The following ALK variants were observed in gnomAD, a reference collection of about 807,000 sequenced individuals.
ALK encodes the protein ALK tyrosine kinase receptor.
ALK carries 74 observed loss-of-function variants against 163.1 expected under a neutral mutation model. The ratio of observed to expected loss-of-function variants is 0.45; its 90% CI spans 0.38 to 0.55. The LOEUF (loss-of-function observed/expected upper bound fraction) is 0.55. Among genes scored for constraint, ALK ranks in the 20% least tolerant of loss-of-function variants. The pLI, the probability that ALK is intolerant of heterozygous loss-of-function variation, is 0.00. For missense variants in ALK, 2,063 were observed against 2,105.3 expected, an observed-to-expected ratio of 0.98 and a Z score of 0.39; for synonymous variants, 960 against 843.2, an observed-to-expected ratio of 1.14 and a Z score of -2.40.
At chr2:29,623,692 T>C (rs1005332659) in intron 3 of ALK, among the ~76,000 whole-genome samples, 1 of 152,244 alleles carries the variant, frequency 6.6e-6, no homozygotes, top group African/African-American at 2.4e-5. Flanking sequence ...ACTGTAATGA[T>C]ATAAAATTCA....
At chr2:29,259,165 T>A (rs1665023829) in intron 11 of ALK, among the ~76,000 whole-genome samples, 2 of 152,206 alleles carry the variant, frequency 1.3e-5, no homozygotes, top group Admixed American at 1.3e-4. Flanking sequence ...TAGAATATAT[T>A]GTAATTATTC....
intron 2 of ALK, among the ~76,000 whole-genome samples, chr2:29,708,338 G>C (rs1024072254): frequency 2.6e-5 from 4 of 152,078 alleles, no homozygotes; most frequent in African/African-American, 9.7e-5. Flanking sequence ...CAAAGTGCTG[G>C]GATTACAGGC....
rs75952573 is a variant in ALK, at chr2:29,666,066, A to G, written c.952+28784T>C. Among the ~76,000 whole-genome samples, 193 of 152,186 alleles carry G rather than the reference A, an allele frequency of 1.3e-3. 1 individual carries two copies. Among genetic ancestry groups the G allele is most frequent in the Admixed American group, 3.1e-3 (48 of 15,274 alleles). Reference sequence around the variant, plus strand: ...CTCATCTCTAGGCCATTTTCAATTAATTTCCTGAGTAAAATTTCATGAGAC... The same window carrying G: ...CTCATCTCTAGGCCATTTTCAATTAGTTTCCTGAGTAAAATTTCATGAGAC... On this transcript the variant is annotated intron_variant, in intron 3 of 28. Transcript: ENST00000389048.
intron 3 of ALK, among the ~76,000 whole-genome samples, chr2:29,578,243 G>T (rs1214792575): frequency 6.6e-6 from 1 of 152,132 alleles, no homozygotes; most frequent in Admixed American, 6.5e-5. Context: ...GACATGACTT[G>T]CCCCTCCTTG....
intron 5 of ALK, among the ~76,000 whole-genome samples, chr2:29,333,116 G>GT (rs1253415190): frequency 7.0e-6 from 1 of 143,728 alleles, no homozygotes; most frequent in African/African-American, 3.0e-5. Context: ...GGGTTTTTTT[G>GT]TTTTTTTGTT....
chr2:29,786,019 T>C (rs1029270058), intron 1 of ALK, among the ~76,000 whole-genome samples: 1 of 152,124 alleles, frequency 6.6e-6, no homozygotes, highest in Non-Finnish European at 1.5e-5. Context: ...CTGGATAAAG[T>C]GGCTTTAAAA....
At chr2:29,394,667 G>T (rs955473500) in intron 4 of ALK, among the ~76,000 whole-genome samples, 7 of 152,106 alleles carry the variant, frequency 4.6e-5, no homozygotes, top group African/African-American at 1.4e-4. Context: ...AGGGTGGGTG[G>T]TAGATTTTCT....
Position 29,920,740 on chromosome 2 carries a change from A to ACAGT in ALK, c.-85_-82dup, listed in dbSNP as rs1667978463. ...TCCCCGAGATGGGAAGAGGCTCTGA[A>ACAGT]CAGTCCTTGGTACCCAGCGGCTCCT... On this transcript the variant is annotated 5_prime_UTR_variant, in exon 1 of 29. Coordinates refer to ENST00000389048, the MANE Select transcript of ALK (RefSeq NM_004304.5). The ACAGT allele has an allele frequency of 1.5e-6, 2 of 1,302,050 alleles. No homozygotes were observed. The highest frequency in any genetic ancestry group is 2.6e-5 in the South Asian group (2 of 77,992). The allele number at this position is 1,302,050 out of a possible 1,614,324, so 80.7% of individuals were successfully genotyped here.
chr2:29,638,131 G>A (rs1676597007), intron 3 of ALK, among the ~76,000 whole-genome samples: 1 of 152,154 alleles, frequency 6.6e-6, no homozygotes, highest in South Asian at 2.1e-4. Flanking sequence ...GGAGGGCTCT[G>A]ATAGCCATTT....
At chr2:29,765,371 C>G (rs1371217129) in intron 1 of ALK, among the ~76,000 whole-genome samples, 2 of 152,184 alleles carry the variant, frequency 1.3e-5, no homozygotes, top group African/African-American at 4.8e-5. Context: ...TTCTCATGAG[C>G]TCTCTCCAGG....
chr2:29,714,962 G>A, intron 2 of ALK, among the ~76,000 whole-genome samples: 1 of 151,988 alleles, frequency 6.6e-6, no homozygotes, highest in East Asian at 1.9e-4. Context: ...CTCAACATCT[G>A]TACTCTGAGG....
intron 1 of ALK, among the ~76,000 whole-genome samples, chr2:29,776,400 C>T (rs1473019425): frequency 4.3e-5 from 1 of 23,068 alleles, no homozygotes; most frequent in African/African-American, 5.6e-5. Context: ...CTTGATTCAG[C>T]GTTGAGCAAG....
At chr2:29,661,288 C>T (rs1677338554) in intron 3 of ALK, among the ~76,000 whole-genome samples, 1 of 152,180 alleles carries the variant, frequency 6.6e-6, no homozygotes, top group African/African-American at 2.4e-5. Context: ...GTGCATCATG[C>T]TAACCCTCCT....
chr2:29,690,552 C>G (rs554896215), intron 3 of ALK, among the ~76,000 whole-genome samples: 1 of 152,168 alleles, frequency 6.6e-6, no homozygotes, highest in Admixed American at 6.5e-5. Context: ...ACACCGGAAG[C>G]AGTTAGACAT....
At chr2:29,410,567 C>G (rs1197476430) in intron 4 of ALK, among the ~76,000 whole-genome samples, 1 of 152,220 alleles carries the variant, frequency 6.6e-6, no homozygotes, top group East Asian at 1.9e-4. Flanking sequence ...TTCTACTACA[C>G]ACCTAGGCTA....
chr2:29,831,010 AAGGG>A, intron 1 of ALK, among the ~76,000 whole-genome samples: 1 of 43,890 alleles, frequency 2.3e-5, no homozygotes, highest in Non-Finnish European at 4.9e-5. Flanking sequence ...GAAGAAGAAG[AAGGG>A]GAAGAGGAAG....
chr2:29,228,154 C>G (rs1007153680), intron 16 of ALK, among the ~76,000 whole-genome samples: 2 of 152,226 alleles, frequency 1.3e-5, no homozygotes, highest in African/African-American at 4.8e-5. Context: ...TATCTTTGGG[C>G]TCCCCCCTCG....
intron 4 of ALK, among the ~76,000 whole-genome samples, chr2:29,414,298 T>A (rs899180893): frequency 6.6e-6 from 1 of 152,194 alleles, no homozygotes; most frequent in African/African-American, 2.4e-5. Flanking sequence ...CTCTTACAGT[T>A]CTGAAATAGT....
intron 5 of ALK, among the ~76,000 whole-genome samples, chr2:29,351,016 G>T (rs1236529684): frequency 6.6e-6 from 1 of 152,128 alleles, no homozygotes; most frequent in Non-Finnish European, 1.5e-5. Context: ...GATTCATATT[G>T]TACATTAGCA....
Sources: gnomAD v4.1 joint callset for allele counts (sites outside exome capture counted in the v4.1 genomes callset) on GRCh38, gnomAD v4.1.1 for gene constraint, MANE v1.5 for transcripts, NCBI Gene and HGNC (gene_info 2026-07-23, HGNC 2026-07-21) for gene names.